GLIS1: variants seen among roughly 807,000 people sequenced by gnomAD.
GLIS1 encodes the protein zinc finger protein GLIS1.
In GLIS1, 24 loss-of-function variants were observed where a neutral mutation model predicts 63.8. That is an observed-to-expected ratio of 0.38 (90% CI 0.27 to 0.53). The LOEUF is 0.53. Ranked by LOEUF, GLIS1 falls within the 20% of genes least tolerant of loss-of-function variation. The pLI, the probability that GLIS1 is intolerant of heterozygous loss-of-function variation, is 0.85. For missense variants in GLIS1, 1,036 were observed against 1,074.1 expected, an observed-to-expected ratio of 0.96 and a Z score of 0.50; for synonymous variants, 450 against 482.5, an observed-to-expected ratio of 0.93 and a Z score of 0.88.
At chr1:53,606,942 G>A (rs1023795284) in intron 2 of GLIS1, among the ~76,000 whole-genome samples, 3 of 152,154 alleles carry the variant, frequency 2.0e-5, no homozygotes, top group South Asian at 2.1e-4. Context: ...GGAGACACCC[G>A]AGCCAGCCCA....
At chr1:53,710,321 C>A (rs1308514012) in intron 2 of GLIS1, among the ~76,000 whole-genome samples, 1 of 152,258 alleles carries the variant, frequency 6.6e-6, no homozygotes, top group African/African-American at 2.4e-5. Flanking sequence ...AGGGCCATAG[C>A]GTGGAGCCCC....
chr1:53,652,481 C>G (rs1290265524), intron 2 of GLIS1, among the ~76,000 whole-genome samples: 2 of 152,090 alleles, frequency 1.3e-5, no homozygotes, highest in African/African-American at 4.8e-5. Context: ...GAGATGGTGG[C>G]CAGGGGATCT....
At chr1:53,628,503 G>A (rs973669357) in intron 2 of GLIS1, among the ~76,000 whole-genome samples, 5 of 152,108 alleles carry the variant, frequency 3.3e-5, no homozygotes, top group African/African-American at 1.2e-4. Context: ...GAGTGCGTTC[G>A]CCAGGCTTAC....
At chr1:53,735,060 C>G (rs894373617) in intron 2 of GLIS1, among the ~76,000 whole-genome samples, 24 of 152,134 alleles carry the variant, frequency 1.6e-4, no homozygotes, top group Admixed American at 1.6e-3. Context: ...GTTCAAGAAC[C>G]CACTCTCTTC....
Position 53,509,180 on chromosome 1 carries a change from C to A in GLIS1, c.2170G>T (p.Gly724Cys). 1 of 1,601,416 alleles carries A rather than the reference C, an allele frequency of 6.2e-7. No homozygotes were observed. The highest frequency in any genetic ancestry group is 2.3e-5 in the East Asian group (1 of 44,412). ...GGDGLVGETH[G>C]FNPLRPNGYH... ...CCATTGGGCCGCAGGGGGTTGAAAC[C>A]GTGGGTCTCCCCGACCAGTCCGTCC... Residue 724 changes from glycine (G) to cysteine (C), a missense_variant, in exon 10 of 11, where the codon GGT (glycine) becomes TGT (cysteine). By Grantham distance (159) the Gly-to-Cys change is radical (BLOSUM62 -3). This residue lies in a region of GLIS1 where 400 missense variants were observed against 400.9 expected (regional missense o/e 1.00). Transcript: ENST00000628545.
intron 2 of GLIS1, among the ~76,000 whole-genome samples, chr1:53,697,916 C>T (rs1646482669): frequency 6.6e-6 from 1 of 152,154 alleles, no homozygotes; most frequent in Admixed American, 6.5e-5. Flanking sequence ...ACAACGAACA[C>T]TCTATGTAAA....
At chr1:53,550,816 C>T (rs183369828) in intron 4 of GLIS1, among the ~76,000 whole-genome samples, 170 of 152,186 alleles carry the variant, frequency 1.1e-3, no homozygotes, top group African/African-American at 3.6e-3. Context: ...CAGGTTCAGA[C>T]GCTCCCCACT....
intron 2 of GLIS1, among the ~76,000 whole-genome samples, chr1:53,737,167 C>G (rs1646920288): frequency 6.6e-6 from 1 of 152,220 alleles, no homozygotes; most frequent in Admixed American, 6.5e-5. Context: ...CTGGGACCCC[C>G]ACCTTCCCGT....
chr1:53,633,923 A>G (rs72896742), intron 2 of GLIS1, among the ~76,000 whole-genome samples: 2,971 of 152,316 alleles, frequency 0.02, 92 homozygotes, highest in African/African-American at 0.066. Flanking sequence ...CGAATCCACC[A>G]GTGAACAGAG....
rs374180528 is a variant in GLIS1 at position 53,733,113 on chromosome 1, T to C, written c.259+4693A>G. ...AAAGTAAAACCGAAGAAAATGATGA[T>C]AATTATGCAACATTCAGAACAAAGA... On this transcript the variant is annotated intron_variant, in intron 2 of 10. Transcript: ENST00000628545. Among the ~76,000 whole-genome samples, 11 of 152,322 alleles carry C rather than the reference T, an allele frequency of 7.2e-5. No homozygotes were observed. In the South Asian group the frequency reaches 1.9e-3, roughly 26 times the overall value.
At position 53,529,920 on chromosome 1, in the gene GLIS1, C is replaced by G; in HGVS notation, c.1353G>C (p.Leu451=). 1 of 1,613,840 alleles carries G rather than the reference C, an allele frequency of 6.2e-7. No individual in the cohort carries two copies. The highest frequency in any genetic ancestry group is 8.5e-7 in the Non-Finnish European group (1 of 1,179,942). ...FEGCSKAFSR[L]ENLKIHLRSH... ...TCCTCAGGTGGATCTTGAGGTTCTC[C>G]AGCCGTGAGAAGGCCTTGCTGCAGC... is the stretch of plus-strand genomic sequence containing the variant. The change falls in exon 5 of 11, where the codon CTG becomes CTC. Residue 451 remains leucine (L), a synonymous_variant. Transcript: ENST00000628545.
intron 4 of GLIS1, among the ~76,000 whole-genome samples, chr1:53,579,722 G>C (rs1402014129): frequency 1.3e-5 from 2 of 152,212 alleles, no homozygotes; most frequent in South Asian, 4.1e-4. Context: ...GCAGCCGTGG[G>C]GGCAGAGCTG....
intron 2 of GLIS1, among the ~76,000 whole-genome samples, chr1:53,705,468 C>T (rs1039775437): frequency 2.0e-5 from 3 of 152,128 alleles, no homozygotes; most frequent in Admixed American, 1.3e-4. Context: ...GGAGTTGGAG[C>T]GGGGAGGAAT....
At chr1:53,681,180 C>T (rs1180207114) in intron 2 of GLIS1, among the ~76,000 whole-genome samples, 1 of 152,272 alleles carries the variant, frequency 6.6e-6, no homozygotes, top group African/African-American at 2.4e-5. Flanking sequence ...ACACTGGCAG[C>T]TTCTTTTCTG....
At chr1:53,569,487 A>T (rs571734049) in intron 4 of GLIS1, among the ~76,000 whole-genome samples, 72 of 52,990 alleles carry the variant, frequency 1.4e-3, no homozygotes, top group Admixed American at 1.0e-2. Flanking sequence ...TTTTTTTTTT[A>T]AAAAAGCCTT....
chr1:53,566,342 A>G (rs969454082), intron 4 of GLIS1, among the ~76,000 whole-genome samples: 1 of 152,168 alleles, frequency 6.6e-6, no homozygotes, highest in Non-Finnish European at 1.5e-5. Flanking sequence ...AATCCAAAAG[A>G]AGAGATGAAA....
At chr1:53,705,164 C>G (rs1646565811) in intron 2 of GLIS1, among the ~76,000 whole-genome samples, 1 of 152,158 alleles carries the variant, frequency 6.6e-6, no homozygotes, top group Admixed American at 6.5e-5. Context: ...TTCAGAACTT[C>G]CACAGCTACT....
At chr1:53,651,616 C>A (rs573694561) in intron 2 of GLIS1, among the ~76,000 whole-genome samples, 1 of 152,300 alleles carries the variant, frequency 6.6e-6, no homozygotes, top group African/African-American at 2.4e-5. Flanking sequence ...GGCCTCACAT[C>A]TGTAATTCCA....
chr1:53,592,249 T>A (rs1035022576), intron 4 of GLIS1, among the ~76,000 whole-genome samples: 1 of 152,174 alleles, frequency 6.6e-6, no homozygotes, highest in Non-Finnish European at 1.5e-5. Flanking sequence ...GGGGAAGGGC[T>A]AGATCCTCTC....
Sources: gnomAD v4.1 joint callset for allele counts (sites outside exome capture counted in the v4.1 genomes callset) on GRCh38, gnomAD v4.1.1 for gene constraint, gnomAD v4.1.1 regional missense constraint, MANE v1.5 for transcripts, NCBI Gene and HGNC (gene_info 2026-07-23, HGNC 2026-07-21) for gene names.